Variants in TNXB observed in about 807,000 individuals in gnomAD.
The protein encoded by TNXB is tenascin-X.
In TNXB, 183 loss-of-function variants were observed where a neutral mutation model predicts 340.5. The ratio of observed to expected loss-of-function variants is 0.54; its 90% CI spans 0.48 to 0.61. TNXB has a LOEUF of 0.61. Ranked by LOEUF, TNXB falls within the 20% of genes least tolerant of loss-of-function variation. The pLI, the probability that TNXB is intolerant of heterozygous loss-of-function variation, is 0.00. For missense variants in TNXB, 4,613 were observed against 5,446.4 expected (o/e 0.85, Z 4.82); for synonymous variants, 2,121 against 2,314.5 (o/e 0.92, Z 2.40).
rs1776475779 is a variant in TNXB at position 32,042,317 on chromosome 6, A to T, written c.12256T>A (p.Trp4086Arg). 1.3e-6 allele frequency: 2 copies of T among 1,511,914 alleles called. No homozygotes were observed. The highest frequency in any genetic ancestry group is 9.1e-7 in the Non-Finnish European group (1 of 1,097,990). The allele number at this position is 1,511,914 out of a possible 1,614,324, so 93.7% of individuals were successfully genotyped here. ...MDGQTDFWRD[W>R]EDYAHGFGNI... ...CCAAAACCATGGGCATAGTCCTCCC[A>T]GTCCCTCCAGAAGTCTGTCTGTCCA... is the stretch of plus-strand genomic sequence containing the variant. The change falls in exon 41 of 44, where the codon TGG (tryptophan) becomes AGG (arginine). Residue 4086 changes from tryptophan (W) to arginine (R), a missense_variant. Coordinates refer to ENST00000644971, the MANE Select transcript of TNXB (RefSeq NM_001365276.2).
Position 32,067,520 on chromosome 6 carries a change from G to C in TNXB, c.6544+141C>G, listed in dbSNP as rs1778445841. ...CCTGGATTTGCTCTCTCTGTCCCCAGATCACACCTGTCCTGAGCCTTTAGT... is the reference window on the plus strand; with the variant it reads ...CCTGGATTTGCTCTCTCTGTCCCCACATCACACCTGTCCTGAGCCTTTAGT... On this transcript the variant is annotated intron_variant, in intron 18 of 43. Transcript: ENST00000644971. This position sits in a 1 kb window ranked among gnomAD's most constrained non-coding sequence, Gnocchi z 4.2. 2.4e-6 allele frequency: 3 copies of C among 1,228,588 alleles called. No homozygotes were observed. In the African/African-American group the frequency reaches 4.6e-5, roughly 19 times the overall value. 76.1% of individuals were successfully genotyped at this position (1,228,588 alleles called of 1,614,324 possible).
At position 32,089,441 on chromosome 6, in the gene TNXB, C is replaced by G; in HGVS notation, c.2359-62G>C. The G allele has an allele frequency of 6.5e-7, 1 of 1,538,180 alleles. No homozygotes were observed. Among genetic ancestry groups the G allele is most frequent in the Non-Finnish European group, 8.8e-7 (1 of 1,141,254 alleles). The stretch of plus-strand genomic sequence containing the variant: ...ACTCTTGCCTCTGCTGCTCAATCCC[C>G]CTTATCTCTTCTTTCTCCAATTCTA... On this transcript the variant is annotated intron_variant, in intron 4 of 43. Transcript: ENST00000644971. The surrounding 1 kb of genome is among the most constrained non-coding windows in gnomAD (Gnocchi z 6.2).
chr6:32,084,776 C>G lies in TNXB; in HGVS notation c.3149-67G>C, dbSNP rs1779678818. On this transcript the variant is annotated intron_variant, in intron 7 of 43. Transcript: ENST00000644971. The surrounding 1 kb of genome is among the most constrained non-coding windows in gnomAD (Gnocchi z 5.5). ...CGTTCTCTTGTCTGTGTCTCCTTCC[C>G]TCTCCCCTGCCCACCTCACTCCATC... 1 of 1,401,442 alleles carries G rather than the reference C, an allele frequency of 7.1e-7. No homozygotes were observed. The allele number at this position is 1,401,442 out of a possible 1,614,324, so 86.8% of individuals were successfully genotyped here. A position where few individuals can be genotyped will look rare whatever the true frequency, so the allele number is the denominator to read the frequency against.
rs780350842 is a variant in TNXB at position 32,049,301 on chromosome 6, G to C, written c.9726C>G (p.Arg3242=). The stretch of plus-strand genomic sequence containing the variant: ...TGCCCACGGTGGACACTGGGCCCAC[G>C]CGCTGCCCCTCGTGGAGGCCGTACA... The part of the protein sequence containing the change: ...MHLYGLHEGQ[R]VGPVSTVGIT... Residue 3242 remains arginine (R), a synonymous_variant, in exon 28 of 44, where the codon CGC becomes CGG. Transcript: ENST00000644971. The surrounding 1 kb of genome is among the most constrained non-coding windows in gnomAD (Gnocchi z 4.5). 5.6e-6 allele frequency: 9 copies of C among 1,612,100 alleles called. No individual in the cohort carries two copies. Among genetic ancestry groups the C allele is most frequent in the South Asian group, 1.1e-5 (1 of 90,994 alleles).
chr6:32,058,424 G>T lies in TNXB; in HGVS notation c.7493-34C>A. 6.7e-7 allele frequency: 1 copy of T among 1,499,234 alleles called. No homozygotes were observed. The allele number at this position is 1,499,234 out of a possible 1,614,324, so 92.9% of individuals were successfully genotyped here. The stretch of plus-strand genomic sequence containing the variant: ...TAATATAGGGGGATACAGAGTTTAA[G>T]GGTTTAAGGGCAACTTGCTTTGCTG... On this transcript the variant is annotated intron_variant, in intron 21 of 43. Transcript: ENST00000644971. The surrounding 1 kb of genome is among the most constrained non-coding windows in gnomAD (Gnocchi z 5.1).
Position 32,056,783 on chromosome 6 carries a change from G to A in TNXB, c.7946C>T (p.Thr2649Met), listed in dbSNP as rs367661800. The A allele has an allele frequency of 2.5e-4, 398 of 1,613,168 alleles. 1 individual carries two copies. The highest frequency in any genetic ancestry group is 2.0e-3 in the East Asian group (88 of 44,870). ...ATPDSLSLSW[T>M]VPEGQFDHFL... The stretch of plus-strand genomic sequence containing the variant: ...GTGGTCAAACTGGCCCTCGGGAACC[G>A]TCCAGGACAGGCTGAGGGAGTCAGG... Residue 2649 changes from threonine (T) to methionine (M), a missense_variant, in exon 23 of 44, where the codon ACG (threonine) becomes ATG (methionine). Thr to Met is a moderately conservative substitution (Grantham distance 81, BLOSUM62 -1). This residue lies in a region of TNXB where 4,327 missense variants were observed against 4,859.4 expected (regional missense o/e 0.89). Transcript: ENST00000644971.
rs373640 is a variant in TNXB at position 32,044,810 on chromosome 6, C to T, written c.10928-94G>A. Reference sequence around the variant, plus strand: ...TCCCTTCCACCCCCCTCCCTGCCCCCGTTTCTCTATCTGTAACCAGGGACT... The same window carrying T: ...TCCCTTCCACCCCCCTCCCTGCCCCTGTTTCTCTATCTGTAACCAGGGACT... On this transcript the variant is annotated intron_variant, in intron 32 of 43. Transcript: ENST00000644971. The T allele has an allele frequency of 0.23, 136,056 of 582,572 alleles. 2,083 individuals carry two copies. The highest frequency in any genetic ancestry group is 0.42 in the African/African-American group (16,950 of 40,786). 36.1% of individuals were successfully genotyped at this position (582,572 alleles called of 1,614,324 possible).
chr6:32,079,089 A>C lies in TNXB; in HGVS notation c.4319T>G (p.Leu1440Arg). The C allele has an allele frequency of 6.2e-7, 1 of 1,613,714 alleles. No individual in the cohort carries two copies. The stretch of plus-strand genomic sequence containing the variant: ...GCGCTGCCCCTCGTGGAGGCCGTAC[A>C]GGTGCATCTTGTACTTGTGCCCGGG... ...LEPGHKYKMH[L>R]YGLHEGQRVG... is the part of the protein sequence containing the mutation. Residue 1440 changes from leucine (L) to arginine (R), a missense_variant, in exon 11 of 44, where the codon CTG becomes CGG. Coordinates refer to ENST00000644971, the MANE Select transcript of TNXB (RefSeq NM_001365276.2). The surrounding 1 kb of genome is among the most constrained non-coding windows in gnomAD (Gnocchi z 7.1).
chr6:32,042,284 A>G lies in TNXB; in HGVS notation c.12289T>C (p.Ser4097Pro). 2 of 1,390,900 alleles carry G rather than the reference A, an allele frequency of 1.4e-6. No homozygotes were observed. The highest frequency in any genetic ancestry group is 2.0e-6 in the Non-Finnish European group (2 of 997,636). 86.2% of individuals were successfully genotyped at this position (1,390,900 alleles called of 1,614,324 possible). A position where few individuals can be genotyped will look rare whatever the true frequency, so the allele number is the denominator to read the frequency against. Residue 4097 changes from serine to proline, a missense_variant, in exon 41 of 44, where the codon TCT (serine) becomes CCT (proline). By Grantham distance (74) the Ser-to-Pro change is moderately conservative (BLOSUM62 -1). Around this residue, in one of 7 missense-constraint regions of TNXB, gnomAD observed 121 missense variants for 177.4 expected, o/e 0.68. Coordinates refer to ENST00000644971, the MANE Select transcript of TNXB (RefSeq NM_001365276.2). ...CACTGACCCAGCCAGAACTCTCCAG[A>G]GATGTTCCCAAAACCATGGGCATAG... is the stretch of plus-strand genomic sequence containing the variant. ...EDYAHGFGNISGEFWLGNEAL... is the reference protein window; with the variant it reads ...EDYAHGFGNIPGEFWLGNEAL...
Position 32,055,864 on chromosome 6 carries a change from G to A in TNXB, c.8454C>T (p.Thr2818=), listed in dbSNP as rs768264164. ...ACAAACACTCACCTGTCACACCCAC[G>A]GTGGACACCGGGCCCACACGCCGCC... ...HEGRRVGPVS[T]VGVTAPEDEA... Residue 2818 remains threonine (T), a synonymous_variant, in exon 24 of 44, where the codon ACC becomes ACT. Coordinates refer to ENST00000644971, the MANE Select transcript of TNXB (RefSeq NM_001365276.2). 7 of 1,611,552 alleles carry A rather than the reference G, an allele frequency of 4.3e-6. No individual in the cohort carries two copies. The highest frequency in any genetic ancestry group is 1.3e-5 in the African/African-American group (1 of 74,884).
chr6:32,058,304 C>A lies in TNXB; in HGVS notation c.7579G>T (p.Glu2527Ter). Residue 2527 changes from glutamate (E) to a stop codon, truncating the protein, a stop_gained, in exon 22 of 44, where the codon GAG becomes TAG. Coordinates refer to ENST00000644971, the MANE Select transcript of TNXB (RefSeq NM_001365276.2). LOFTEE classifies it high-confidence loss of function. This position sits in a 1 kb window ranked among gnomAD's most constrained non-coding sequence, Gnocchi z 5.1. ...PGPPEEPLLG[E>*]LTVTGSSPDS... ...GGGGAGGATCCTGTCACTGTCAGCT[C>A]CCCCAGGAGAGGCTCCTCGGGGGGC... is the stretch of plus-strand genomic sequence containing the variant. The A allele has an allele frequency of 6.2e-7, 1 of 1,611,874 alleles. No individual in the cohort carries two copies. Among genetic ancestry groups the A allele is most frequent in the Non-Finnish European group, 8.5e-7 (1 of 1,179,534 alleles).
rs1294140068 is a variant in TNXB, at chr6:32,056,097, C to T, written c.8221G>A (p.Glu2741Lys). Residue 2741 changes from glutamate to lysine, a missense_variant, in exon 24 of 44, where the codon GAG becomes AAG. By Grantham distance (56) the Glu-to-Lys change is moderately conservative (BLOSUM62 1). Transcript: ENST00000644971. ...PEPPEEPLLG[E>K]LTVTGSSPDS... ...GGGGAGGATCCTGTCACTGTCAGCT[C>T]CCCCAGGAGCGGCTCCTCAGGGGGC... 6.2e-7 allele frequency: 1 copy of T among 1,612,668 alleles called. No homozygotes were observed. The highest frequency in any genetic ancestry group is 1.3e-5 in the African/African-American group (1 of 75,004).
In TNXB at chr6:32,047,887, C is replaced by T. The variant is rs1280938614; in HGVS notation, c.10171G>A (p.Asp3391Asn). Residue 3391 changes from aspartate to asparagine, a missense_variant, in exon 30 of 44, where the codon GAT becomes AAT. This residue lies in a region of TNXB where 4,327 missense variants were observed against 4,859.4 expected (regional missense o/e 0.89). Transcript: ENST00000644971. The surrounding 1 kb of genome is among the most constrained non-coding windows in gnomAD (Gnocchi z 6.2). ...ACCACCTGGAGCCGACCATCCTTAT[C>T]CTTGTACTGGACCACGAAGGAGTCG... ...EFDSFVVQYK[D>N]KDGRLQVVPV... 2.5e-6 allele frequency: 4 copies of T among 1,612,502 alleles called. No homozygotes were observed. The highest frequency in any genetic ancestry group is 1.3e-5 in the African/African-American group (1 of 74,928).
chr6:32,067,571 G>A lies in TNXB; in HGVS notation c.6544+90C>T, dbSNP rs1055289699. 8 of 1,490,254 alleles carry A rather than the reference G, an allele frequency of 5.4e-6. No individual in the cohort carries two copies. In the African/African-American group the frequency reaches 8.4e-5, roughly 16 times the overall value. 92.3% of individuals were successfully genotyped at this position (1,490,254 alleles called of 1,614,324 possible). ...GAACAGGGTGTATTACAGGTTTGAG[G>A]TCTTGGGGTTCTGGGTCCCTAGTGG... On this transcript the variant is annotated intron_variant, in intron 18 of 43. Coordinates refer to ENST00000644971, the MANE Select transcript of TNXB (RefSeq NM_001365276.2). This position sits in a 1 kb window ranked among gnomAD's most constrained non-coding sequence, Gnocchi z 4.2.
In TNXB at chr6:32,096,331, C is replaced by G. The variant is rs1335911976; in HGVS notation, c.1522G>C (p.Val508Leu). ...GGGTTGCACACGCAGCGGCCATCCA[C>G]GCAGCGCCCGCGCCCGCGACAGTCG... ...PGDCRGRGRC[V>L]DGRCVCNPGF... The change falls in exon 3 of 44, where the codon GTG becomes CTG. Residue 508 changes from valine to leucine, a missense_variant. Physicochemically the swap from Val to Leu is conservative, Grantham distance 32. This residue lies in a region of TNXB where 4,327 missense variants were observed against 4,859.4 expected (regional missense o/e 0.89). Coordinates refer to ENST00000644971, the MANE Select transcript of TNXB (RefSeq NM_001365276.2). 1.3e-6 allele frequency: 2 copies of G among 1,547,952 alleles called. No homozygotes were observed. The highest frequency in any genetic ancestry group is 1.4e-5 in the African/African-American group (1 of 73,352).
rs781473152 is a variant in TNXB at position 32,043,533 on chromosome 6, G to A, written c.11554C>T (p.Arg3852Cys). 1.8e-5 allele frequency: 16 copies of A among 908,458 alleles called. 1 individual carries two copies. The highest frequency in any genetic ancestry group is 5.0e-5 in the East Asian group (2 of 39,994). 56.3% of individuals were successfully genotyped at this position (908,458 alleles called of 1,614,324 possible). ...AATCCCTCGGTCAAGTTCAGTGCACGCAACTGTGTGGGACCGTCAGGAACT... is the reference window on the plus strand; with the variant it reads ...AATCCCTCGGTCAAGTTCAGTGCACACAACTGTGTGGGACCGTCAGGAACT... Reference protein sequence around the residue: ...TTVPDGPTQLRALNLTEGFAV... With the variant: ...TTVPDGPTQLCALNLTEGFAV... Residue 3852 changes from arginine to cysteine, a missense_variant, in exon 36 of 44, where the codon CGT becomes TGT. This residue lies in a region of TNXB where 114 missense variants were observed against 104.5 expected (regional missense o/e 1.09). Coordinates refer to ENST00000644971, the MANE Select transcript of TNXB (RefSeq NM_001365276.2).
chr6:32,068,920 G>T lies in TNXB; in HGVS notation c.5804C>A (p.Thr1935Asn). The T allele has an allele frequency of 1.2e-6, 2 of 1,612,892 alleles. No homozygotes were observed. Among genetic ancestry groups the T allele is most frequent in the Non-Finnish European group, 1.7e-6 (2 of 1,179,874 alleles). ...GTGGTCGGATTCCAGGCCAGAGAGG[G>T]TGATGTCATTCCGGTCACCTCCTAT... ...VRIGGDRNDI[T>N]LSGLESDHRY... Residue 1935 changes from threonine to asparagine, a missense_variant, in exon 16 of 44, where the codon ACC becomes AAC. Thr to Asn is a moderately conservative substitution (Grantham distance 65). Around this residue, in one of 7 missense-constraint regions of TNXB, gnomAD observed 4,327 missense variants for 4,859.4 expected, o/e 0.89. Coordinates refer to ENST00000644971, the MANE Select transcript of TNXB (RefSeq NM_001365276.2). This position sits in a 1 kb window ranked among gnomAD's most constrained non-coding sequence, Gnocchi z 5.3.
At chr6:32,094,285 T>C (rs1234962771) in intron 4 of TNXB, among the ~76,000 whole-genome samples, 1 of 151,642 alleles carries the variant, frequency 6.6e-6, no homozygotes, top group African/African-American at 2.4e-5. Context: ...CAAAGGCCTA[T>C]ATTTAGGTGA....
In TNXB at chr6:32,043,732, G is replaced by T. The variant is rs542831781; in HGVS notation, c.11530+17C>A. 7 of 1,613,430 alleles carry T rather than the reference G, an allele frequency of 4.3e-6. No homozygotes were observed. The South Asian group carries it at 7.7e-5, about 18-fold the overall frequency. ...TCTTGGCTCCCACCTCTTGCCCCGG[G>T]TCCCAGTCCATCTCACCCGTGGTGA... On this transcript the variant is annotated intron_variant, in intron 35 of 43. Coordinates refer to ENST00000644971, the MANE Select transcript of TNXB (RefSeq NM_001365276.2).
Sources: gnomAD v4.1 joint callset for allele counts (sites outside exome capture counted in the v4.1 genomes callset) on GRCh38, gnomAD v4.1.1 for gene constraint, gnomAD v4.1.1 regional missense constraint, Gnocchi (gnomAD v3.1) non-coding constraint, MANE v1.5 for transcripts, NCBI Gene and HGNC (gene_info 2026-07-23, HGNC 2026-07-21) for gene names.